The following PDE4B variants were observed in gnomAD, a reference collection of about 807,000 sequenced individuals.
The protein encoded by PDE4B is phosphodiesterase 4B.
In PDE4B, 20 loss-of-function variants were observed where a neutral mutation model predicts 82.2. The ratio of observed to expected loss-of-function variants is 0.24; its 90% confidence interval spans 0.17 to 0.35. The LOEUF (loss-of-function observed/expected upper bound fraction) is 0.35. PDE4B is among the 10% of genes least tolerant of loss of function. The probability of loss-of-function intolerance (pLI) is 1.00; values close to 1 mark genes in which losing one functional copy is unlikely to be tolerated. For missense variants in PDE4B, 655 were observed against 907.2 expected, an observed-to-expected ratio of 0.72 and a Z score of 3.57; for synonymous variants, 320 against 318.9, an observed-to-expected ratio of 1.00 and a Z score of -0.04.
intron 3 of PDE4B, among the ~76,000 whole-genome samples, chr1:66,244,199 A>G (rs1032283442): frequency 2.0e-5 from 3 of 152,212 alleles, no homozygotes; most frequent in Non-Finnish European, 2.9e-5. Context: ...AGCACATAAC[A>G]AATACTTGTG....
intron 1 of PDE4B, among the ~76,000 whole-genome samples, chr1:65,807,285 A>G (rs548986318): frequency 3.3e-5 from 5 of 152,334 alleles, no homozygotes; most frequent in African/African-American, 4.8e-5. Context: ...TATTATACAC[A>G]TCGTTCTATA....
chr1:66,269,326 A>G (rs1226259518), intron 7 of PDE4B, among the ~76,000 whole-genome samples: 2 of 152,230 alleles, frequency 1.3e-5, no homozygotes, highest in Non-Finnish European at 2.9e-5. Flanking sequence ...TTTCAAGCCC[A>G]GAAAGAACAA....
chr1:66,256,898 T>G (rs1179747832), intron 4 of PDE4B, among the ~76,000 whole-genome samples: 1 of 152,224 alleles, frequency 6.6e-6, no homozygotes, highest in African/African-American at 2.4e-5. Context: ...TTCTAGTACC[T>G]TCAATAGAGA....
chr1:66,283,302 G>A (rs1656421090), intron 7 of PDE4B, among the ~76,000 whole-genome samples: 1 of 151,664 alleles, frequency 6.6e-6, no homozygotes, highest in Admixed American at 6.6e-5. Context: ...ATTTAAAATA[G>A]TGCCAATTAT....
chr1:66,150,982 G>A (rs1211843532), intron 3 of PDE4B, among the ~76,000 whole-genome samples: 1 of 152,136 alleles, frequency 6.6e-6, no homozygotes, highest in African/African-American at 2.4e-5. Context: ...CTGGATGTTA[G>A]CCTGTATTTT....
intron 3 of PDE4B, among the ~76,000 whole-genome samples, chr1:66,024,065 T>C (rs1436108816): frequency 6.6e-6 from 1 of 152,136 alleles, no homozygotes; most frequent in Non-Finnish European, 1.5e-5. Context: ...CCCACTACTT[T>C]TCATATTCCA....
At chr1:66,225,411 G>A (rs17128559) in intron 3 of PDE4B, among the ~76,000 whole-genome samples, 6,905 of 152,136 alleles carry the variant, frequency 0.045, 295 homozygotes, top group African/African-American at 0.1. Context: ...GAATTCCTGC[G>A]TTTTTGAAGT....
intron 3 of PDE4B, among the ~76,000 whole-genome samples, chr1:66,180,341 T>C (rs1433309990): frequency 6.6e-6 from 1 of 152,116 alleles, no homozygotes; most frequent in African/African-American, 2.4e-5. Flanking sequence ...GAAAGTAAAG[T>C]TAGAATGTGA....
chr1:66,267,091 G>T (rs1655107322), intron 7 of PDE4B: 1 of 153,862 alleles, frequency 6.5e-6, no homozygotes, highest in African/African-American at 2.4e-5. Flanking sequence ...GATTCTATTG[G>T]CTCATTGGCT....
chr1:66,306,231 A>C (rs940013437), intron 7 of PDE4B, among the ~76,000 whole-genome samples: 8 of 152,104 alleles, frequency 5.3e-5, no homozygotes, highest in Non-Finnish European at 7.4e-5. Context: ...AAATTAAGGG[A>C]TTTTATTTGT....
At chr1:66,182,058 T>C (rs912694144) in intron 3 of PDE4B, among the ~76,000 whole-genome samples, 12 of 152,136 alleles carry the variant, frequency 7.9e-5, no homozygotes, top group African/African-American at 2.9e-4. Flanking sequence ...GCTTAAAAAG[T>C]CAGTAAATAA....
chr1:66,224,149 C>A (rs560374585), intron 3 of PDE4B, among the ~76,000 whole-genome samples: 1 of 148,012 alleles, frequency 6.8e-6, no homozygotes. Flanking sequence ...ATCTTTCCAG[C>A]GCATCTCTTT....
At chr1:66,304,712 C>A (rs1272726556) in intron 7 of PDE4B, among the ~76,000 whole-genome samples, 1 of 152,128 alleles carries the variant, frequency 6.6e-6, no homozygotes, top group Non-Finnish European at 1.5e-5. Flanking sequence ...TTCTCGTAGA[C>A]CCAGTGAGGA....
chr1:66,241,996 C>G (rs1427141645), intron 3 of PDE4B, among the ~76,000 whole-genome samples: 2 of 152,134 alleles, frequency 1.3e-5, no homozygotes, highest in Non-Finnish European at 2.9e-5. Context: ...ATACTCAGCT[C>G]TAGGCCCTGG....
chr1:66,184,964 T>C (rs1465591172), intron 3 of PDE4B, among the ~76,000 whole-genome samples: 1 of 152,144 alleles, frequency 6.6e-6, no homozygotes, highest in Non-Finnish European at 1.5e-5. Flanking sequence ...ACATTAGGTA[T>C]ATCTCCTAAT....
At chr1:66,283,743 G>A (rs190505690) in intron 7 of PDE4B, among the ~76,000 whole-genome samples, 121 of 152,164 alleles carry the variant, frequency 8.0e-4, no homozygotes, top group Admixed American at 2.4e-3. Flanking sequence ...TCCTGGAGGA[G>A]GTGGGGTTAA....
At chr1:66,001,648 C>A (rs61799585) in intron 3 of PDE4B, among the ~76,000 whole-genome samples, 25,355 of 152,106 alleles carry the variant, frequency 0.17, 2,759 homozygotes, top group Non-Finnish European at 0.24. Context: ...AACATATATT[C>A]TAATCTTTCT....
At chr1:65,914,685 T>C (rs1047581437) in intron 2 of PDE4B, among the ~76,000 whole-genome samples, 2 of 151,820 alleles carry the variant, frequency 1.3e-5, no homozygotes, top group Admixed American at 1.3e-4. Flanking sequence ...TTTGGAAGAA[T>C]AAAACTGAGC....
At chr1:66,093,325 TAAAAACCACA>T (rs1645059405) in intron 3 of PDE4B, among the ~76,000 whole-genome samples, 1 of 152,104 alleles carries the variant, frequency 6.6e-6, no homozygotes, top group Non-Finnish European at 1.5e-5. Flanking sequence ...CATTTAATTC[TAAAAACCACA>T]TGATGAGGTG....
Sources: allele counts gnomAD v4.1 joint callset (sites outside exome capture counted in the v4.1 genomes callset), GRCh38; gene constraint gnomAD v4.1.1; transcripts MANE v1.5; gene names NCBI Gene and HGNC (gene_info 2026-07-23, HGNC 2026-07-21).